TANGO6: variants seen among roughly 807,000 people sequenced by gnomAD.
TANGO6 encodes the protein transport and golgi organization 6 homolog.
A neutral mutation model predicts 114.2 loss-of-function variants in TANGO6; 90 were observed. The ratio of observed to expected loss-of-function variants is 0.79; its 90% confidence interval spans 0.66 to 0.94. TANGO6 has a LOEUF of 0.94. TANGO6 is among the 40% of genes least tolerant of loss of function. The pLI is 0.00. For missense variants in TANGO6, 1,274 were observed against 1,315.3 expected, an observed-to-expected ratio of 0.97 and a Z score of 0.49; for synonymous variants, 477 against 509.8, an observed-to-expected ratio of 0.94 and a Z score of 0.87.
intron 15 of TANGO6, among the ~76,000 whole-genome samples, chr16:68,983,573 C>T (rs985353555): frequency 3.9e-5 from 6 of 152,016 alleles, no homozygotes; most frequent in African/African-American, 1.5e-4. Flanking sequence ...GTAAGAAGCC[C>T]GGCCCATGGA....
chr16:68,876,714 A>T (rs931826506), intron 5 of TANGO6, among the ~76,000 whole-genome samples: 1 of 152,064 alleles, frequency 6.6e-6, no homozygotes, highest in Non-Finnish European at 1.5e-5. Context: ...CTAGCTACTC[A>T]GGAAGCTGAG....
At chr16:68,946,100 T>C (rs144172927) in intron 14 of TANGO6, among the ~76,000 whole-genome samples, 34 of 152,306 alleles carry the variant, frequency 2.2e-4, no homozygotes, top group African/African-American at 7.7e-4. Context: ...TTTTCTGCCA[T>C]CCTGTGGATT....
At chr16:69,002,388 G>T (rs114175600) in intron 15 of TANGO6, among the ~76,000 whole-genome samples, 2 of 151,990 alleles carry the variant, frequency 1.3e-5, no homozygotes, top group African/African-American at 2.4e-5. Context: ...CCCCATAATC[G>T]CCATGTATTA....
rs369222049 is a variant in TANGO6 at position 69,081,636 on chromosome 16, G to A, written c.3109-1849G>A. ...ATTACAGGCCTGAGCCACCACACCC[G>A]GCCTCAGTTCCCTTATTTTTGTTTC... On this transcript the variant is annotated intron_variant, in intron 17 of 17. Coordinates refer to ENST00000261778, the MANE Select transcript of TANGO6 (RefSeq NM_024562.2). Among the ~76,000 whole-genome samples, 19 of 151,952 alleles carry A rather than the reference G, an allele frequency of 1.3e-4. No homozygotes were observed. The East Asian group carries it at 3.5e-3, about 28-fold the overall frequency.
At chr16:69,010,966 C>T (rs1287673831) in intron 15 of TANGO6, among the ~76,000 whole-genome samples, 1 of 152,006 alleles carries the variant, frequency 6.6e-6, no homozygotes, top group Non-Finnish European at 1.5e-5. Flanking sequence ...TCTGAATCAC[C>T]AGGATCCACG....
intron 14 of TANGO6, among the ~76,000 whole-genome samples, chr16:68,932,665 C>T (rs1321431653): frequency 6.6e-6 from 1 of 151,966 alleles, no homozygotes; most frequent in Non-Finnish European, 1.5e-5. Context: ...TGGCGGGCAC[C>T]TGTAATCCCG....
intron 14 of TANGO6, 98 bp downstream of exon 14, chr16:68,930,393 A>G (rs1597025447): frequency 1.0e-6 from 1 of 1,000,588 alleles, no homozygotes; most frequent in African/African-American, 1.6e-5. Flanking sequence ...CCAGGAGACT[A>G]CTGGTCATTT....
intron 17 of TANGO6, among the ~76,000 whole-genome samples, chr16:69,071,757 A>T (rs1001863193): frequency 2.0e-5 from 3 of 152,210 alleles, no homozygotes; most frequent in African/African-American, 4.8e-5. Context: ...TCTTCTTTTG[A>T]TCTTAAAGAT....
chr16:68,965,159 T>TTTGTTTTTTTTATTTTTTGA lies in TANGO6; in HGVS notation c.2702-8868_2702-8849dup, dbSNP rs576425906. Among the ~76,000 whole-genome samples the TTTGTTTTTTTTATTTTTTGA allele has an allele frequency of 9.9e-4, 151 of 152,048 alleles. 1 individual carries two copies. In the East Asian group the frequency reaches 0.027, roughly 27 times the overall value. ...CAAAATACTTGATTTTCTTTTTTTG[T>TTTGTTTTTTTTATTTTTTGA]TTGTTTTTTTTATTTTTTGAGATGG... On this transcript the variant is annotated intron_variant, in intron 14 of 17. Coordinates refer to ENST00000261778, the MANE Select transcript of TANGO6 (RefSeq NM_024562.2).
intron 14 of TANGO6, 109 bp from the exon 15 acceptor site, chr16:68,973,919 T>C (rs746938909): frequency 1.0e-5 from 13 of 1,289,342 alleles, no homozygotes; most frequent in Non-Finnish European, 1.4e-5. Flanking sequence ...GGGAGAGCTT[T>C]AGAGATGGTT....
intron 7 of TANGO6, among the ~76,000 whole-genome samples, chr16:68,890,767 T>A (rs2152175866): frequency 6.6e-6 from 1 of 152,050 alleles, no homozygotes; most frequent in South Asian, 2.1e-4. Flanking sequence ...ATGTCTATAA[T>A]CCCAGCACTT....
intron 15 of TANGO6, among the ~76,000 whole-genome samples, chr16:69,020,889 T>C (rs1216688419): frequency 1.5e-5 from 2 of 136,418 alleles, no homozygotes; most frequent in African/African-American, 5.5e-5. Flanking sequence ...CCACCCCCCC[T>C]TTATATATGT....
chr16:68,935,675 T>C (rs1303045811), intron 14 of TANGO6, among the ~76,000 whole-genome samples: 1 of 152,174 alleles, frequency 6.6e-6, no homozygotes, highest in African/African-American at 2.4e-5. Flanking sequence ...CCGGTTACCC[T>C]ATAGAGTTTA....
At chr16:68,914,945 T>TAAAATAGACACTTTCTA (rs1962977499) in intron 11 of TANGO6, among the ~76,000 whole-genome samples, 1 of 142,450 alleles carries the variant, frequency 7.0e-6, no homozygotes, top group Non-Finnish European at 1.5e-5. Flanking sequence ...ATCATACTAC[T>TAAAATAGACACTTTCTA]TGTTTTGATA....
intron 14 of TANGO6, among the ~76,000 whole-genome samples, chr16:68,931,106 G>A (rs1323001220): frequency 3.3e-5 from 5 of 152,194 alleles, no homozygotes; most frequent in Non-Finnish European, 5.9e-5. Context: ...TAGAGAGGAT[G>A]TAGAGAATAA....
Position 68,909,295 on chromosome 16 carries a change from C to T in TANGO6, c.1885C>T (p.His629Tyr). The change falls in exon 11 of 18, where the codon CAT becomes TAT. Residue 629 changes from histidine (H) to tyrosine (Y), a missense_variant. Physicochemically the swap from His to Tyr is moderately conservative, Grantham distance 83. Transcript: ENST00000261778. ...SSKSLLELEQ[H>Y]QTLLVEGQER... ...CAAGAGCCTCTTGGAATTAGAGCAA[C>T]ATCAGACTCTTCTTGTGGAAGGCCA... 6.2e-7 allele frequency: 1 copy of T among 1,611,924 alleles called. No homozygotes were observed.
intron 15 of TANGO6, among the ~76,000 whole-genome samples, chr16:68,987,939 A>G (rs1437410680): frequency 6.6e-6 from 1 of 152,038 alleles, no homozygotes; most frequent in Non-Finnish European, 1.5e-5. Context: ...CTTATTTTCT[A>G]TTCATGTATC....
intron 15 of TANGO6, among the ~76,000 whole-genome samples, chr16:68,981,264 A>G (rs1317450791): frequency 3.4e-5 from 4 of 118,696 alleles, no homozygotes; most frequent in Non-Finnish European, 6.4e-5. Context: ...AGGCTGGAGT[A>G]TAGTGGTGTG....
chr16:69,056,118 T>C (rs887705073), intron 17 of TANGO6, among the ~76,000 whole-genome samples: 5 of 152,210 alleles, frequency 3.3e-5, no homozygotes, highest in Non-Finnish European at 7.3e-5. Flanking sequence ...TGCTAAGTTA[T>C]AAATGTTCAA....
Sources: gnomAD v4.1 joint callset for allele counts (sites outside exome capture counted in the v4.1 genomes callset) on GRCh38, gnomAD v4.1.1 for gene constraint, MANE v1.5 for transcripts, NCBI Gene and HGNC (gene_info 2026-07-23, HGNC 2026-07-21) for gene names.